Variants in CCDC90B observed in about 807,000 individuals in gnomAD.
CCDC90B encodes the protein coiled-coil domain containing 90B.
Under a neutral mutation model 37.0 loss-of-function variants are expected in CCDC90B, and 24 were observed. That is an observed-to-expected ratio of 0.65 (90% confidence interval 0.47 to 0.91). The LOEUF (loss-of-function observed/expected upper bound fraction) is 0.91, where lower values mean the gene tolerates loss of function less well. Among genes scored for constraint, CCDC90B ranks in the 40% least tolerant of loss-of-function variants. The probability of loss-of-function intolerance (pLI) is 0.00; values close to 1 mark genes in which losing one functional copy is unlikely to be tolerated. For missense variants in CCDC90B, 319 were observed against 299.0 expected, an observed-to-expected ratio of 1.07 and a Z score of -0.49; for synonymous variants, 113 against 101.1, an observed-to-expected ratio of 1.12 and a Z score of -0.71.
intron 7 of CCDC90B, among the ~76,000 whole-genome samples, chr11:83,271,552 A>T (rs1245540391): frequency 6.6e-6 from 1 of 152,258 alleles, no homozygotes; most frequent in Non-Finnish European, 1.5e-5. Flanking sequence ...ATGCAAACCA[A>T]AACCACAATG....
rs536365363 is a variant in CCDC90B at position 83,259,142 on chromosome 11, A to T, written c.*2769T>A. 1.3e-5 allele frequency: 2 copies of T among 152,238 alleles called. No homozygotes were observed. Among genetic ancestry groups the T allele is most frequent in the Non-Finnish European group, 2.9e-5 (2 of 68,044 alleles). 9.4% of individuals were successfully genotyped at this position (152,238 alleles called of 1,614,324 possible). A position where few individuals can be genotyped will look rare whatever the true frequency, so the allele number is the denominator to read the frequency against. ...CACAGGCGTTTAACAAGTACCTCAC[A>T]TGTGTCTAGAGGCCTTCTGAGAACT... On this transcript the variant is annotated 3_prime_UTR_variant, in exon 9 of 9. Transcript: ENST00000529689.
In CCDC90B at chr11:83,269,363, C is replaced by T. The variant is rs140910707; in HGVS notation, c.595-3384G>A. The stretch of plus-strand genomic sequence containing the variant: ...AACCCTTAAAAAAACAATCAATGAA[C>T]CTAGGAGCTGGTTTTTTGAAAAGAT... On this transcript the variant is annotated intron_variant, in intron 7 of 8. Coordinates refer to ENST00000529689, the MANE Select transcript of CCDC90B (RefSeq NM_021825.5). Among the ~76,000 whole-genome samples, 422 of 151,720 alleles carry T rather than the reference C, an allele frequency of 2.8e-3. 3 individuals are homozygous for T. The highest frequency in any genetic ancestry group is 9.6e-3 in the African/African-American group (396 of 41,366).
intron 2 of CCDC90B, among the ~76,000 whole-genome samples, 193 bp from the exon 3 acceptor site, chr11:83,279,022 G>A (rs965861435): frequency 2.0e-5 from 3 of 152,114 alleles, no homozygotes; most frequent in Non-Finnish European, 4.4e-5. Flanking sequence ...GGTGGCTCAC[G>A]CCTGTAATCC....
chr11:83,274,256 C>A, intron 4 of CCDC90B: 1 of 331,526 alleles, frequency 3.0e-6, no homozygotes, highest in Non-Finnish European at 5.4e-6. Flanking sequence ...GATAACATAA[C>A]TTAAAATTCT....
At chr11:83,264,313 T>C (rs1864113297) in intron 8 of CCDC90B, among the ~76,000 whole-genome samples, 1 of 152,198 alleles carries the variant, frequency 6.6e-6, no homozygotes, top group Non-Finnish European at 1.5e-5. Flanking sequence ...TAAAAAGTTG[T>C]AGACTATAAA....
At chr11:83,285,547 G>A in intron 1 of CCDC90B, 1 of 1,198,738 alleles carries the variant, frequency 8.3e-7, no homozygotes, top group South Asian at 1.9e-5. Context: ...CTCAAACACA[G>A]ATTACCTTAC....
In CCDC90B at chr11:83,282,419, A is replaced by G. The variant is rs147663765; in HGVS notation, c.101-2159T>C. On this transcript the variant is annotated intron_variant, in intron 1 of 8. Transcript: ENST00000529689. ...TTAGTCTGAGATCTTATGGTCTCAT[A>G]GCTAGGCAGATTAGTACAGTTCCTC... Among the ~76,000 whole-genome samples, 663 of 152,350 alleles carry G rather than the reference A, an allele frequency of 4.4e-3. 8 individuals carry two copies. Among genetic ancestry groups the G allele is most frequent in the African/African-American group, 0.015 (619 of 41,584 alleles).
intron 1 of CCDC90B, among the ~76,000 whole-genome samples, chr11:83,283,515 A>G (rs1240770241): frequency 6.6e-6 from 1 of 152,218 alleles, no homozygotes; most frequent in Non-Finnish European, 1.5e-5. Flanking sequence ...CCTATGAGGT[A>G]GGTATTGACA....
rs192956156 is a variant in CCDC90B, at chr11:83,282,638, C to T, written c.101-2378G>A. Among the ~76,000 whole-genome samples, 389 of 152,314 alleles carry T rather than the reference C, an allele frequency of 2.6e-3. 3 individuals carry two copies. Among genetic ancestry groups the T allele is most frequent in the Admixed American group, 0.022 (334 of 15,296 alleles). The stretch of plus-strand genomic sequence containing the variant: ...AAACATGCCATGTGCTTTCCCTTCT[C>T]AGGGCCTTTGCCTAGCCCCTGCCCT... On this transcript the variant is annotated intron_variant, in intron 1 of 8. Transcript: ENST00000529689.
At position 83,260,404 on chromosome 11, in the gene CCDC90B, AAATT is replaced by A. The variant is rs1863874651; in HGVS notation, c.*1503_*1506del. 1 of 152,204 alleles carries A rather than the reference AAATT, an allele frequency of 6.6e-6. No homozygotes were observed. The highest frequency in any genetic ancestry group is 1.5e-5 in the Non-Finnish European group (1 of 68,030). 9.4% of individuals were successfully genotyped at this position (152,204 alleles called of 1,614,324 possible). On this transcript the variant is annotated 3_prime_UTR_variant, in exon 9 of 9. Coordinates refer to ENST00000529689, the MANE Select transcript of CCDC90B (RefSeq NM_021825.5). ...GGTAACTTATTAATTGACTCAGTGA[AAATT>A]AATCTATAATATACTAAGAACTCTC...
chr11:83,271,029 G>T (rs1485389326), intron 7 of CCDC90B, among the ~76,000 whole-genome samples: 3 of 152,018 alleles, frequency 2.0e-5, no homozygotes, highest in East Asian at 1.9e-4. Context: ...GGGGAAAGGA[G>T]TCCCTATTTA....
rs1315321043 is a variant in CCDC90B at position 83,261,606 on chromosome 11, C to G, written c.*305G>C. 4 of 206,706 alleles carry G rather than the reference C, an allele frequency of 1.9e-5. No individual in the cohort carries two copies. The highest frequency in any genetic ancestry group is 4.6e-5 in the African/African-American group (2 of 43,388). The allele number at this position is 206,706 out of a possible 1,614,324, so 12.8% of individuals were successfully genotyped here. A position where few individuals can be genotyped will look rare whatever the true frequency, so the allele number is the denominator to read the frequency against. ...ATCCTGTATGATTTACACAACTGTT[C>G]AAGCAAACATAAGAAAACTCTGGTT... is the stretch of plus-strand genomic sequence containing the variant. On this transcript the variant is annotated 3_prime_UTR_variant, in exon 9 of 9. Coordinates refer to ENST00000529689, the MANE Select transcript of CCDC90B (RefSeq NM_021825.5).
At chr11:83,285,159 A>G (rs772958217) in intron 1 of CCDC90B, 4 of 1,281,934 alleles carry the variant, frequency 3.1e-6, no homozygotes, top group African/African-American at 1.5e-5. Context: ...GTGAACAGAG[A>G]TAAGAGGTGC....
chr11:83,273,980 C>A lies in CCDC90B; in HGVS notation c.439G>T (p.Glu147Ter), dbSNP rs1329775293. ...LRAENEKMKI[E>*]LDQVKQQLMH... The stretch of plus-strand genomic sequence containing the variant: ...AGTTGTTGCTTAACTTGGTCTAATT[C>A]AATTTTCATTTTCTAGGTACAGGAA... The change falls in exon 5 of 9, where the codon GAA becomes TAA. Residue 147 changes from glutamate (E) to a stop codon, truncating the protein, a stop_gained. Transcript: ENST00000529689. LOFTEE classifies it high-confidence loss of function. 6.4e-7 allele frequency: 1 copy of A among 1,573,140 alleles called. No individual in the cohort carries two copies. Among genetic ancestry groups the A allele is most frequent in the Admixed American group, 1.9e-5 (1 of 52,250 alleles).
chr11:83,270,724 A>G (rs1864603349), intron 7 of CCDC90B, among the ~76,000 whole-genome samples: 1 of 150,392 alleles, frequency 6.6e-6, no homozygotes, highest in Non-Finnish European at 1.5e-5. Context: ...CCATACTGCC[A>G]TCCCCATCAA....
At chr11:83,262,495 A>G (rs1863984992) in intron 8 of CCDC90B, among the ~76,000 whole-genome samples, 1 of 152,202 alleles carries the variant, frequency 6.6e-6, no homozygotes, top group South Asian at 2.1e-4. Flanking sequence ...TAGTTAATAT[A>G]CTACCTGTAC....
At position 83,284,899 on chromosome 11, in the gene CCDC90B, CATA is replaced by C. The variant is rs150828929; in HGVS notation, c.100+971_100+973del. Reference sequence around the variant, plus strand: ...GCTACCTCCTTTTTGTAAAATCCATCATAATGTGTATGTATGCTAAACACTCAA... The same window carrying C: ...GCTACCTCCTTTTTGTAAAATCCATCATGTGTATGTATGCTAAACACTCAA... On this transcript the variant is annotated intron_variant, in intron 1 of 8. Transcript: ENST00000529689. Among the ~76,000 whole-genome samples the C allele has an allele frequency of 4.8e-3, 726 of 152,314 alleles. 7 individuals are homozygous for C. Among genetic ancestry groups the C allele is most frequent in the African/African-American group, 0.017 (692 of 41,556 alleles).
Position 83,274,001 on chromosome 11 carries a change from A to G in CCDC90B, c.427-9T>C, listed in dbSNP as rs766546437. On this transcript the variant is annotated splice_polypyrimidine_tract_variant and intron_variant, in intron 4 of 8. Coordinates refer to ENST00000529689, the MANE Select transcript of CCDC90B (RefSeq NM_021825.5). ...AATTCAATTTTCATTTTCTAGGTAC[A>G]GGAAAGATCACATGCAATTAGCATT... 2.6e-6 allele frequency: 4 copies of G among 1,540,386 alleles called. No individual in the cohort carries two copies. Among genetic ancestry groups the G allele is most frequent in the Non-Finnish European group, 8.7e-7 (1 of 1,146,740 alleles).
chr11:83,271,352 G>C (rs1053764379), intron 7 of CCDC90B, among the ~76,000 whole-genome samples: 1 of 152,160 alleles, frequency 6.6e-6, no homozygotes, highest in Admixed American at 6.5e-5. Context: ...CAGAATGGGA[G>C]AAAATTTTTG....
Sources: gnomAD v4.1 joint callset for allele counts (sites outside exome capture counted in the v4.1 genomes callset) on GRCh38, gnomAD v4.1.1 for gene constraint, MANE v1.5 for transcripts, NCBI Gene and HGNC (gene_info 2026-07-23, HGNC 2026-07-21) for gene names.